The following PUS3 variants were observed in gnomAD, a reference collection of about 807,000 sequenced individuals.
The protein encoded by PUS3 is tRNA pseudouridine(38/39) synthase.
A neutral mutation model predicts 43.3 loss-of-function variants in PUS3; 36 were observed. The observed-to-expected ratio is 0.83, with a 90% CI of 0.64 to 1.10. The LOEUF (loss-of-function observed/expected upper bound fraction) is 1.10. Ranked by LOEUF, PUS3 falls within the 50% of genes least tolerant of loss-of-function variation. The probability of loss-of-function intolerance (pLI) is 0.00; values close to 1 mark genes in which losing one functional copy is unlikely to be tolerated. For missense variants in PUS3, 544 were observed against 589.9 expected (o/e 0.92, Z 0.81); for synonymous variants, 183 against 199.2 (o/e 0.92, Z 0.69).
At chr11:125,894,635 ATCTC>A (rs1023724729) in intron 3 of PUS3, among the ~76,000 whole-genome samples, 2 of 152,192 alleles carry the variant, frequency 1.3e-5, no homozygotes, top group African/African-American at 4.8e-5. Flanking sequence ...ATTGGTATCT[ATCTC>A]AGCCTGTTCT....
At chr11:125,902,762 G>C (rs982149755) in intron 1 of PUS3, among the ~76,000 whole-genome samples, 11 of 152,208 alleles carry the variant, frequency 7.2e-5, no homozygotes, top group African/African-American at 2.4e-4. Flanking sequence ...ATCGTGGTCT[G>C]TATGTAAGGC....
At chr11:125,901,659 G>T (rs485785) in intron 1 of PUS3, among the ~76,000 whole-genome samples, 2 of 152,008 alleles carry the variant, frequency 1.3e-5, no homozygotes, top group African/African-American at 2.4e-5. Flanking sequence ...CTATTTGTTA[G>T]GCATTTGTCT....
In PUS3 at chr11:125,896,258, G is replaced by A. The variant is rs12274443; in HGVS notation, c.27C>T (p.Asn9=). The change falls in exon 2 of 4, where the codon AAC becomes AAT. Residue 9 remains asparagine (N), a synonymous_variant. Coordinates refer to ENST00000227474, the MANE Select transcript of PUS3 (RefSeq NM_031307.4). MAYNDTDR[N]QTEKLLKRVR... ...CTCTTTTTAGGAGCTTCTCAGTCTG[G>A]TTTCTGTCTGTGTCATTATAAGCCA... The A allele has an allele frequency of 1.6e-3, 2,539 of 1,611,804 alleles. 31 individuals carry two copies. The African/African-American group carries it at 0.024, about 15-fold the overall frequency.
Position 125,893,686 on chromosome 11 carries a change from T to A in PUS3, c.*99A>T, listed in dbSNP as rs80185627. 5.0e-6 allele frequency: 4 copies of A among 807,692 alleles called. No individual in the cohort carries two copies. The highest frequency in any genetic ancestry group is 1.8e-5 in the African/African-American group (1 of 56,396). The allele number at this position is 807,692 out of a possible 1,614,324, so 50.0% of individuals were successfully genotyped here. ...CTTTTTTTTTTCTTTTAAGAGCTGATCATCTGAATTCCTAGTACTTGCAAG... is the reference window on the plus strand; with the variant it reads ...CTTTTTTTTTTCTTTTAAGAGCTGAACATCTGAATTCCTAGTACTTGCAAG... On this transcript the variant is annotated 3_prime_UTR_variant, in exon 4 of 4. Coordinates refer to ENST00000227474, the MANE Select transcript of PUS3 (RefSeq NM_031307.4).
chr11:125,902,011 C>T (rs1944785769), intron 1 of PUS3, among the ~76,000 whole-genome samples: 1 of 152,160 alleles, frequency 6.6e-6, no homozygotes, highest in Non-Finnish European at 1.5e-5. Flanking sequence ...TTATTTGGAT[C>T]TCAAAGTCCA....
intron 1 of PUS3, chr11:125,899,841 A>T (rs113034416): frequency 6.2e-7 from 1 of 1,614,096 alleles, no homozygotes; most frequent in Non-Finnish European, 8.5e-7. Context: ...AACCTACCAC[A>T]TGAATACCAA....
intron 1 of PUS3, chr11:125,899,397 T>TA: frequency 3.7e-6 from 6 of 1,614,144 alleles, no homozygotes; most frequent in Non-Finnish European, 5.1e-6. Context: ...GATGGACAAA[T>TA]ATGGGCTAAT....
intron 1 of PUS3, chr11:125,899,128 A>G (rs1944679170): frequency 1.9e-6 from 1 of 520,536 alleles, no homozygotes; most frequent in South Asian, 2.5e-5. Flanking sequence ...AAGACAGTAG[A>G]AAGCAGGAGT....
chr11:125,900,231 T>C (rs1311470431), intron 1 of PUS3: 2 of 1,614,240 alleles, frequency 1.2e-6, no homozygotes, highest in East Asian at 2.2e-5. Flanking sequence ...AATGGTGTCA[T>C]ACCCAGGAAG....
rs1555102367 is a variant in PUS3, at chr11:125,899,437, TGCTACA to T, written c.-46-3113_-46-3108del. 2 of 1,614,224 alleles carry T rather than the reference TGCTACA, an allele frequency of 1.2e-6. No individual in the cohort carries two copies. The highest frequency in any genetic ancestry group is 1.7e-6 in the Non-Finnish European group (2 of 1,180,040). Reference sequence around the variant, plus strand: ...ATCCAGAAGAACGAATGTTGGCAGCTGCTACAGCTTTTACCCACATCTGTGCAGGGC... The same window carrying T: ...ATCCAGAAGAACGAATGTTGGCAGCTGCTTTTACCCACATCTGTGCAGGGC... On this transcript the variant is annotated intron_variant, in intron 1 of 3. Transcript: ENST00000227474.
chr11:125,902,539 G>A (rs1944805813), intron 1 of PUS3, among the ~76,000 whole-genome samples: 1 of 150,058 alleles, frequency 6.7e-6, no homozygotes, highest in Admixed American at 6.7e-5. Flanking sequence ...CTTGAGCCCA[G>A]GAGGTAGAGG....
intron 1 of PUS3, chr11:125,900,483 C>G (rs1944738533): frequency 1.8e-6 from 1 of 558,128 alleles, no homozygotes; most frequent in Non-Finnish European, 3.3e-6. Context: ...TAAATCATAT[C>G]AGAGAAAGAA....
intron 1 of PUS3, chr11:125,899,591 A>G (rs375884986): frequency 3.7e-6 from 6 of 1,614,202 alleles, no homozygotes; most frequent in Non-Finnish European, 4.2e-6. Context: ...ACATGTAGAA[A>G]GTAATGTCCC....
chr11:125,899,669 A>C lies in PUS3; in HGVS notation c.-46-3339T>G, dbSNP rs754088000. The C allele has an allele frequency of 5.0e-6, 8 of 1,614,132 alleles. No individual in the cohort carries two copies. The highest frequency in any genetic ancestry group is 6.8e-6 in the Non-Finnish European group (8 of 1,180,046). ...AGTGATGAAGAGAAAGGTGCTGCGC[A>C]GAAAGCCAGATGGGGAAGTATTAGT... On this transcript the variant is annotated intron_variant, in intron 1 of 3. Transcript: ENST00000227474.
chr11:125,897,974 C>T (rs1284716252), intron 1 of PUS3, among the ~76,000 whole-genome samples: 1 of 152,290 alleles, frequency 6.6e-6, no homozygotes, highest in East Asian at 1.9e-4. Context: ...ATTTATGATA[C>T]ATTCATACAT....
intron 1 of PUS3, among the ~76,000 whole-genome samples, chr11:125,902,376 C>CG (rs552311756): frequency 4.3e-4 from 4 of 9,408 alleles, no homozygotes; most frequent in Non-Finnish European, 8.5e-4. Flanking sequence ...GGGGTGGTGG[C>CG]GGGGGGGAGG....
intron 1 of PUS3, chr11:125,900,413 A>G (rs533939710): frequency 4.2e-5 from 31 of 729,866 alleles, no homozygotes; most frequent in South Asian, 1.8e-4. Context: ...TCCTAGCTAT[A>G]TATCACATTG....
In PUS3 at chr11:125,900,178, G is replaced by A; in HGVS notation, c.-47+2992C>T. 6.2e-7 allele frequency: 1 copy of A among 1,614,184 alleles called. No individual in the cohort carries two copies. The highest frequency in any genetic ancestry group is 1.3e-5 in the African/African-American group (1 of 75,042). On this transcript the variant is annotated intron_variant, in intron 1 of 3. Transcript: ENST00000227474. ...ACAATTATCTAGTACCAACAGAGAAGAAAAGGTCTGCACTCCGTTGGGGTG... is the reference window on the plus strand; with the variant it reads ...ACAATTATCTAGTACCAACAGAGAAAAAAAGGTCTGCACTCCGTTGGGGTG...
In PUS3 at chr11:125,894,150, T is replaced by C. The variant is rs750933973; in HGVS notation, c.1081A>G (p.Met361Val). ...LWANHAVKTH[M>V]LYSMLQGLDT... ...AGTCCTTGTAGCATACTATACAACATGTGAGTTTTGACAGCATGATTAGCC... is the reference window on the plus strand; with the variant it reads ...AGTCCTTGTAGCATACTATACAACACGTGAGTTTTGACAGCATGATTAGCC... The change falls in exon 4 of 4, where the codon ATG (methionine) becomes GTG (valine). Residue 361 changes from methionine to valine, a missense_variant. Coordinates refer to ENST00000227474, the MANE Select transcript of PUS3 (RefSeq NM_031307.4). 6.2e-7 allele frequency: 1 copy of C among 1,614,158 alleles called. No homozygotes were observed. The highest frequency in any genetic ancestry group is 1.1e-5 in the South Asian group (1 of 91,082).
Sources: allele counts gnomAD v4.1 joint callset (sites outside exome capture counted in the v4.1 genomes callset), GRCh38; gene constraint gnomAD v4.1.1; transcripts MANE v1.5; gene names NCBI Gene and HGNC (gene_info 2026-07-23, HGNC 2026-07-21).